RTP2: variants seen among roughly 807,000 people sequenced by gnomAD.
RTP2 encodes receptor transporter protein 2.
RTP2 carries 12 observed loss-of-function variants against 17.9 expected under a neutral mutation model. The observed-to-expected ratio is 0.67, with a 90% confidence interval of 0.43 to 1.09. The LOEUF (loss-of-function observed/expected upper bound fraction) is 1.09. RTP2 is among the 50% of genes least tolerant of loss of function. The probability of loss-of-function intolerance (pLI) is 0.00; values close to 1 mark genes in which losing one functional copy is unlikely to be tolerated. For missense variants in RTP2, 327 were observed against 295.7 expected, an observed-to-expected ratio of 1.11 and a Z score of -0.78; for synonymous variants, 126 against 117.7, an observed-to-expected ratio of 1.07 and a Z score of -0.46.
At chr3:187,707,142 C>T (rs1414262480), upstream of RTP2, among the ~76,000 whole-genome samples, 2 of 152,200 alleles carry the variant, frequency 1.3e-5, no homozygotes, top group African/African-American at 4.8e-5. Flanking sequence ...GGAGCCTGGG[C>T]TTCCTCACAG....
At chr3:187,698,742 G>C (rs141397283) in exon 2 of RTP2, 21 of 1,613,650 alleles carry the variant, frequency 1.3e-5, no homozygotes, top group African/African-American at 1.1e-4. Context: ...CCCGCTGTCC[G>C]GGCGGCTGGC....
the RTP2 span, among the ~76,000 whole-genome samples, chr3:187,707,655 C>G: frequency 6.6e-6 from 1 of 152,096 alleles, no homozygotes; most frequent in Non-Finnish European, 1.5e-5. Context: ...TTTTTAACAC[C>G]CTGGCAAAGT....
At chr3:187,711,929 A>C in the RTP2 span, among the ~76,000 whole-genome samples, 8 of 152,168 alleles carry the variant, frequency 5.3e-5, no homozygotes, top group Non-Finnish European at 1.0e-4. Flanking sequence ...CATTCTCAAA[A>C]AGACAAAATT....
At chr3:187,712,231 G>A in the RTP2 span, among the ~76,000 whole-genome samples, 8 of 152,108 alleles carry the variant, frequency 5.3e-5, no homozygotes, top group Admixed American at 2.0e-4. Context: ...TTGTGCTATC[G>A]TTAGGTAAGA....
chr3:187,700,425 A>G (rs1717815907), intron 1 of RTP2, among the ~76,000 whole-genome samples: 1 of 152,202 alleles, frequency 6.6e-6, no homozygotes, highest in African/African-American at 2.4e-5. Flanking sequence ...GCTCTTCCTG[A>G]GGCCAGCTGG....
rs767651872 is a variant in RTP2, at chr3:187,701,964, C to T, written c.164+1G>A. On this transcript the variant is annotated splice_donor_variant, in intron 1 of 1. Coordinates refer to ENST00000358241, the Ensembl canonical transcript of RTP2. LOFTEE classifies it high-confidence loss of function. Reference sequence around the variant, plus strand: ...AGGTCCCTCCCCACTGAACCTCTCACCTGCCTGAGGCGTGCTGCTCCAGGT... The same window carrying T: ...AGGTCCCTCCCCACTGAACCTCTCATCTGCCTGAGGCGTGCTGCTCCAGGT... The T allele has an allele frequency of 6.3e-7, 1 of 1,587,272 alleles. No individual in the cohort carries two copies. The highest frequency in any genetic ancestry group is 1.2e-5 in the South Asian group (1 of 86,462).
chr3:187,713,449 A>C, the RTP2 span, among the ~76,000 whole-genome samples: 1 of 152,218 alleles, frequency 6.6e-6, no homozygotes. Context: ...AAGCAAAGAG[A>C]GCATAGATTT....
chr3:187,712,599 C>G, the RTP2 span, among the ~76,000 whole-genome samples: 1 of 151,998 alleles, frequency 6.6e-6, no homozygotes, highest in African/African-American at 2.4e-5. Context: ...TTTTGTTAGC[C>G]CCTTTTGAAT....
the RTP2 span, among the ~76,000 whole-genome samples, chr3:187,709,218 T>A: frequency 6.6e-6 from 1 of 152,190 alleles, no homozygotes; most frequent in African/African-American, 2.4e-5. Flanking sequence ...ATCTCTAATG[T>A]TTAAAAAAAG....
chr3:187,702,215 T>A, exon 1 of RTP2: 1 of 1,338,026 alleles, frequency 7.5e-7, no homozygotes, highest in African/African-American at 1.5e-5. Context: ...ATTCAGTGTC[T>A]ACGGTCAGAA....
At chr3:187,714,565 T>A in the RTP2 span, among the ~76,000 whole-genome samples, 3 of 152,240 alleles carry the variant, frequency 2.0e-5, no homozygotes, top group African/African-American at 4.8e-5. Flanking sequence ...CCTACAGCCT[T>A]CACTGCTTGG....
chr3:187,714,677 T>C, the RTP2 span, among the ~76,000 whole-genome samples: 1 of 152,182 alleles, frequency 6.6e-6, no homozygotes, highest in Non-Finnish European at 1.5e-5. Flanking sequence ...CTCACTCCTT[T>C]GCTCCGTCAC....
At chr3:187,698,934 G>C in exon 2 of RTP2, 1 of 1,609,214 alleles carries the variant, frequency 6.2e-7, no homozygotes, top group Non-Finnish European at 8.5e-7. Context: ...CGCCCGCTGG[G>C]CGCGGTCCAG....
intron 1 of RTP2, among the ~76,000 whole-genome samples, chr3:187,700,340 G>A (rs1171288944): frequency 6.6e-6 from 1 of 152,238 alleles, no homozygotes; most frequent in Non-Finnish European, 1.5e-5. Context: ...TGCTGGGTGA[G>A]AGCTGCAGGG....
At chr3:187,709,219 T>C in the RTP2 span, among the ~76,000 whole-genome samples, 8 of 152,290 alleles carry the variant, frequency 5.3e-5, no homozygotes, top group East Asian at 1.2e-3. Context: ...TCTCTAATGT[T>C]TAAAAAAAGT....
chr3:187,707,769 C>G, the RTP2 span, among the ~76,000 whole-genome samples: 1 of 152,186 alleles, frequency 6.6e-6, no homozygotes, highest in African/African-American at 2.4e-5. Flanking sequence ...ACGCATTGCT[C>G]TCTCTTCCTT....
At chr3:187,700,718 A>T (rs1005281482) in intron 1 of RTP2, among the ~76,000 whole-genome samples, 1 of 152,218 alleles carries the variant, frequency 6.6e-6, no homozygotes, top group Admixed American at 6.5e-5. Flanking sequence ...AGAAGCATCT[A>T]GTCAGCCCTT....
the RTP2 span, among the ~76,000 whole-genome samples, chr3:187,713,472 G>C: frequency 6.6e-6 from 1 of 152,194 alleles, no homozygotes; most frequent in South Asian, 2.1e-4. Context: ...TGAAACGAAA[G>C]TATACTCCAC....
the RTP2 span, among the ~76,000 whole-genome samples, chr3:187,710,822 T>C: frequency 1.3e-5 from 2 of 152,128 alleles, no homozygotes; most frequent in Admixed American, 1.3e-4. Flanking sequence ...TCTCTGGCGA[T>C]GTCAAGGGTC....
Sources: allele counts gnomAD v4.1 joint callset (sites outside exome capture counted in the v4.1 genomes callset), GRCh38; gene constraint gnomAD v4.1.1; transcripts MANE v1.5; gene names NCBI Gene and HGNC (gene_info 2026-07-23, HGNC 2026-07-21).